The following CSMD3 variants were observed in gnomAD, a reference collection of about 807,000 sequenced individuals.
CSMD3 encodes CUB and sushi domain-containing protein 3.
A neutral mutation model predicts 435.2 loss-of-function variants in CSMD3; 177 were observed. The observed-to-expected ratio is 0.41, with a 90% CI of 0.36 to 0.46. The LOEUF (loss-of-function observed/expected upper bound fraction) is 0.46. Ranked by LOEUF, CSMD3 falls within the 20% of genes least tolerant of loss-of-function variation. The pLI, the probability that CSMD3 is intolerant of heterozygous loss-of-function variation, is 0.34. For synonymous variants in CSMD3, 1,656 were observed against 1,520.5 expected (o/e 1.09, Z -2.07); for missense variants, 4,265 against 4,504.6 (o/e 0.95, Z 1.52).
At chr8:113,280,400 A>G (rs921415595) in intron 2 of CSMD3, among the ~76,000 whole-genome samples, 1 of 151,478 alleles carries the variant, frequency 6.6e-6, no homozygotes, top group African/African-American at 2.4e-5. Context: ...GGACGGTTGT[A>G]TTTTTCCAGG....
At chr8:113,377,123 T>C in intron 1 of CSMD3, 1 of 1,259,112 alleles carries the variant, frequency 7.9e-7, no homozygotes, top group Non-Finnish European at 1.0e-6. Context: ...GTCGTCCGGC[T>C]CTCCGGTCCT....
chr8:113,092,667 C>T (rs1472331934), intron 5 of CSMD3, among the ~76,000 whole-genome samples: 2 of 151,940 alleles, frequency 1.3e-5, no homozygotes, highest in Non-Finnish European at 2.9e-5. Context: ...TTCTTCCTAC[C>T]GTTTGAAGTG....
rs2130933151 is a variant in CSMD3 at position 112,975,958 on chromosome 8, G to C, written c.1221C>G (p.Asp407Glu). The change falls in exon 7 of 71, where the codon GAC becomes GAG. Residue 407 changes from aspartate to glutamate, a missense_variant. This residue lies in a region of CSMD3 where 731 missense variants were observed against 755.4 expected (regional missense o/e 0.97). Transcript: ENST00000297405. ...AGAGCCCGTCCTTGGACGTGTTGGG[G>C]TCCAGACCTGAATTTCTGAGACTCG... ...QVTSLRNSGLDPNTSKDGLSP... is the reference protein window; with the variant it reads ...QVTSLRNSGLEPNTSKDGLSP... The C allele has an allele frequency of 6.2e-7, 1 of 1,614,016 alleles. No homozygotes were observed. The highest frequency in any genetic ancestry group is 1.1e-5 in the South Asian group (1 of 91,080).
At chr8:113,342,605 C>T (rs2094127383) in intron 1 of CSMD3, among the ~76,000 whole-genome samples, 1 of 152,120 alleles carries the variant, frequency 6.6e-6, no homozygotes, top group African/African-American at 2.4e-5. Context: ...CTCGACTCTA[C>T]TCTAGGCCTA....
At chr8:112,955,418 C>T (rs933483255) in intron 7 of CSMD3, among the ~76,000 whole-genome samples, 5 of 151,590 alleles carry the variant, frequency 3.3e-5, no homozygotes, top group East Asian at 3.9e-4. Flanking sequence ...ATATTTATGG[C>T]GTACATAGGA....
intron 36 of CSMD3, among the ~76,000 whole-genome samples, chr8:112,384,990 T>C (rs1443063604): frequency 2.6e-5 from 4 of 152,192 alleles, no homozygotes; most frequent in African/African-American, 9.7e-5. Context: ...TGAAGGAAAT[T>C]ATTGAGTGTC....
chr8:112,761,904 A>G (rs2077848011), intron 13 of CSMD3, among the ~76,000 whole-genome samples: 1 of 152,076 alleles, frequency 6.6e-6, no homozygotes, highest in Admixed American at 6.6e-5. Context: ...CTTTACTGCA[A>G]CCGAAAATCT....
intron 38 of CSMD3, 114 bp from the exon 39 acceptor site, chr8:112,352,648 T>A (rs1371643827): frequency 4.6e-6 from 4 of 875,824 alleles, no homozygotes; most frequent in Admixed American, 1.8e-5. Flanking sequence ...AGATACTATA[T>A]TGAGACGTTG....
chr8:113,146,970 T>C (rs2091689342), intron 4 of CSMD3, among the ~76,000 whole-genome samples: 1 of 151,716 alleles, frequency 6.6e-6, no homozygotes, highest in South Asian at 2.1e-4. Flanking sequence ...CATACTTTAC[T>C]TAAAAGGTGA....
chr8:113,225,731 T>C (rs1455438289), intron 3 of CSMD3, among the ~76,000 whole-genome samples: 4 of 151,492 alleles, frequency 2.6e-5, no homozygotes, highest in Admixed American at 6.6e-5. Context: ...AAAAGCTAGA[T>C]AATGAAAGGA....
intron 11 of CSMD3, among the ~76,000 whole-genome samples, chr8:112,856,884 A>T (rs769421513): frequency 1.3e-4 from 19 of 151,798 alleles, no homozygotes; most frequent in Admixed American, 1.3e-4. Flanking sequence ...TTTCCTTCTG[A>T]AAAGGGTTCC....
rs2130072324 is a variant in CSMD3, at chr8:112,408,792, AG to A, written c.5509+126del. ...TGTTTCTATTCTTTAGAAAAAAAAA[AG>A]GTGACACTATTTTCAGTTTGCTTTA... On this transcript the variant is annotated intron_variant, in intron 33 of 70. Transcript: ENST00000297405. 3.4e-6 allele frequency: 5 copies of A among 1,461,510 alleles called. 1 individual carries two copies. The highest frequency in any genetic ancestry group is 4.7e-5 in the East Asian group (2 of 42,842). The allele number at this position is 1,461,510 out of a possible 1,614,324, so 90.5% of individuals were successfully genotyped here.
intron 58 of CSMD3, among the ~76,000 whole-genome samples, chr8:112,286,539 A>G (rs1819217569): frequency 6.6e-6 from 1 of 152,158 alleles, no homozygotes; most frequent in Non-Finnish European, 1.5e-5. Context: ...TCAACAAGAT[A>G]TTTTGAGTGA....
At chr8:113,336,250 T>G (rs1184743332) in intron 1 of CSMD3, among the ~76,000 whole-genome samples, 3 of 152,070 alleles carry the variant, frequency 2.0e-5, no homozygotes, top group African/African-American at 7.2e-5. Context: ...TTCGTAGATT[T>G]TGATTTGGTT....
chr8:113,318,280 T>C (rs991039730), intron 1 of CSMD3, among the ~76,000 whole-genome samples: 1 of 152,164 alleles, frequency 6.6e-6, no homozygotes, highest in Non-Finnish European at 1.5e-5. Flanking sequence ...AAAGGCAAAT[T>C]TTGTTTTTCA....
chr8:112,359,606 A>G (rs1451880907), intron 38 of CSMD3, among the ~76,000 whole-genome samples: 1 of 152,180 alleles, frequency 6.6e-6, no homozygotes, highest in East Asian at 1.9e-4. Flanking sequence ...AGTAGCTTAA[A>G]TCATGCCAAA....
chr8:112,224,634 T>G lies in CSMD3; in HGVS notation c.*137A>C, dbSNP rs892532216. On this transcript the variant is annotated 3_prime_UTR_variant, in exon 71 of 71. Transcript: ENST00000297405. ...TATGGTCCAGTTTATGAAAAAACACTCTTCTGTATCATTCCTCAGGAAAAG... is the reference window on the plus strand; with the variant it reads ...TATGGTCCAGTTTATGAAAAAACACGCTTCTGTATCATTCCTCAGGAAAAG... The G allele has an allele frequency of 8.4e-5, 71 of 840,296 alleles. No individual in the cohort carries two copies. Among genetic ancestry groups the G allele is most frequent in the Non-Finnish European group, 1.4e-4 (68 of 488,378 alleles). The allele number at this position is 840,296 out of a possible 1,614,324, so 52.1% of individuals were successfully genotyped here. A position where few individuals can be genotyped will look rare whatever the true frequency, so the allele number is the denominator to read the frequency against.
At chr8:112,782,736 T>C (rs933751864) in intron 13 of CSMD3, among the ~76,000 whole-genome samples, 1 of 151,960 alleles carries the variant, frequency 6.6e-6, no homozygotes, top group Non-Finnish European at 1.5e-5. Context: ...AACTCCACTA[T>C]GCCTGGAATC....
intron 1 of CSMD3, among the ~76,000 whole-genome samples, chr8:113,373,586 T>C (rs1339375265): frequency 6.6e-6 from 1 of 152,080 alleles, no homozygotes; most frequent in Non-Finnish European, 1.5e-5. Context: ...AATAAAGATG[T>C]TTATTAATTA....
Sources: gnomAD v4.1 joint callset for allele counts (sites outside exome capture counted in the v4.1 genomes callset) on GRCh38, gnomAD v4.1.1 for gene constraint, gnomAD v4.1.1 regional missense constraint, MANE v1.5 for transcripts, NCBI Gene and HGNC (gene_info 2026-07-23, HGNC 2026-07-21) for gene names.